The following TNS1 variants were observed in gnomAD, a reference collection of about 807,000 sequenced individuals.
TNS1 encodes the protein tensin 1, also known as tensin-1.
In TNS1, 62 loss-of-function variants were observed where a neutral mutation model predicts 168.6. That is an observed-to-expected ratio of 0.37 (90% confidence interval 0.30 to 0.45). TNS1 has a LOEUF of 0.45. TNS1 is among the 20% of genes least tolerant of loss of function. The pLI is 1.00. For missense variants in TNS1, 2,240 were observed against 2,339.4 expected, an observed-to-expected ratio of 0.96 and a Z score of 0.88; for synonymous variants, 934 against 933.2, an observed-to-expected ratio of 1.00 and a Z score of -0.02.
At chr2:217,951,938 C>T (rs546092461) in intron 3 of TNS1, among the ~76,000 whole-genome samples, 1 of 152,376 alleles carries the variant, frequency 6.6e-6, no homozygotes, top group South Asian at 2.1e-4. Flanking sequence ...CTGTCCCTCA[C>T]CCCTTCATTC....
chr2:217,933,194 A>G (rs1161881475), intron 3 of TNS1, among the ~76,000 whole-genome samples: 3 of 152,162 alleles, frequency 2.0e-5, no homozygotes, highest in Non-Finnish European at 4.4e-5. Context: ...TCCCAGGCAG[A>G]CCTCAGAGAT....
intron 3 of TNS1, among the ~76,000 whole-genome samples, chr2:217,965,942 T>C (rs1957616021): frequency 6.6e-6 from 1 of 151,958 alleles, no homozygotes; most frequent in African/African-American, 2.4e-5. Context: ...GGGACTCCAC[T>C]GGTCTTTGTT....
chr2:217,877,756 C>T (rs116372081), intron 18 of TNS1, among the ~76,000 whole-genome samples: 5,473 of 152,240 alleles, frequency 0.036, 334 homozygotes, highest in African/African-American at 0.12. Flanking sequence ...AGCAGGAGGG[C>T]CTCCTGGGGG....
At chr2:217,924,702 A>G (rs889225579) in intron 3 of TNS1, among the ~76,000 whole-genome samples, 1 of 152,216 alleles carries the variant, frequency 6.6e-6, no homozygotes, top group Non-Finnish European at 1.5e-5. Context: ...CAGAGTCAGC[A>G]ATATTGCTCC....
At chr2:218,030,927 G>A (rs1282249665) in intron 1 of TNS1, among the ~76,000 whole-genome samples, 1 of 152,142 alleles carries the variant, frequency 6.6e-6, no homozygotes, top group Non-Finnish European at 1.5e-5. Context: ...GGGTATGAGT[G>A]TGTGAGCATA....
rs71403015 is a variant in TNS1, at chr2:217,804,256, T to TTCTCTCTCTCTCTCTCTCTCTC, written c.*181_*202dup. On this transcript the variant is annotated 3_prime_UTR_variant, in exon 33 of 33. Coordinates refer to ENST00000682258, the MANE Select transcript of TNS1 (RefSeq NM_001387777.1). ...GAATCCAAGTTCTTCTCCTCCATCT[T>TTCTCTCTCTCTCTCTCTCTCTC]TCTCTCTCTCTCTCTCTCTCTCTCT... 8 of 416,838 alleles carry TTCTCTCTCTCTCTCTCTCTCTC rather than the reference T, an allele frequency of 1.9e-5. No individual in the cohort carries two copies. Among genetic ancestry groups the TTCTCTCTCTCTCTCTCTCTCTC allele is most frequent in the Non-Finnish European group, 3.5e-5 (8 of 230,182 alleles). 25.8% of individuals were successfully genotyped at this position (416,838 alleles called of 1,614,324 possible).
At chr2:217,902,167 G>A (rs2125766771) in intron 6 of TNS1, among the ~76,000 whole-genome samples, 1 of 152,222 alleles carries the variant, frequency 6.6e-6, no homozygotes, top group East Asian at 1.9e-4. Flanking sequence ...TTCCAAAACT[G>A]CCCCCTCAGA....
intron 3 of TNS1, among the ~76,000 whole-genome samples, chr2:217,958,086 T>C (rs1957409260): frequency 1.3e-5 from 2 of 152,008 alleles, no homozygotes; most frequent in Admixed American, 6.5e-5. Flanking sequence ...AAGATGATCT[T>C]AGTTGGAAAC....
intron 3 of TNS1, among the ~76,000 whole-genome samples, chr2:217,946,969 T>TCACACACACACACACA (rs372012573): frequency 8.4e-5 from 10 of 118,810 alleles, no homozygotes; most frequent in African/African-American, 2.9e-4. Context: ...TCTCTCTCTC[T>TCACACACACACACACA]CACACACACA....
chr2:217,909,039 T>TC (rs968582311), intron 4 of TNS1, among the ~76,000 whole-genome samples: 12 of 151,692 alleles, frequency 7.9e-5, no homozygotes, highest in Admixed American at 7.2e-4. Flanking sequence ...GACCAGGTGC[T>TC]CCCCTCAGCC....
chr2:217,895,013 T>G lies in TNS1; in HGVS notation c.587A>C (p.His196Pro). Residue 196 changes from histidine to proline, a missense_variant, in exon 9 of 33, where the codon CAT (histidine) becomes CCT (proline). His to Pro is a moderately conservative substitution (Grantham distance 77). Coordinates refer to ENST00000682258, the MANE Select transcript of TNS1 (RefSeq NM_001387777.1). ...SERRPDITKL[H>P]AKVLEFGWPD... ...AAACAGCCCCTGGCTCACCTTGGCA[T>G]GGAGCTTCGTGATGTCAGGTCTCCG... 6.2e-7 allele frequency: 1 copy of G among 1,613,016 alleles called. No individual in the cohort carries two copies. Among genetic ancestry groups the G allele is most frequent in the Non-Finnish European group, 8.5e-7 (1 of 1,179,698 alleles).
intron 18 of TNS1, among the ~76,000 whole-genome samples, chr2:217,858,217 C>A (rs1948391812): frequency 6.6e-6 from 1 of 152,142 alleles, no homozygotes; most frequent in Non-Finnish European, 1.5e-5. Flanking sequence ...ACGGCCCCCC[C>A]ACCAACCCAG....
intron 3 of TNS1, among the ~76,000 whole-genome samples, chr2:217,946,152 C>G (rs1232939957): frequency 6.6e-6 from 1 of 152,178 alleles, no homozygotes; most frequent in Admixed American, 6.5e-5. Flanking sequence ...CTTTCTCGTA[C>G]ACCATTCCCT....
chr2:217,847,478 G>C lies in TNS1; in HGVS notation c.3007+32C>G, dbSNP rs201726608. On this transcript the variant is annotated intron_variant, in intron 19 of 32. Transcript: ENST00000682258. ...CCCCAGCAAGACCAAATAAGGAAGG[G>C]GTAGAAGGAGTCAGGACTGAATACC... is the stretch of plus-strand genomic sequence containing the variant. 21 of 1,398,394 alleles carry C rather than the reference G, an allele frequency of 1.5e-5. No homozygotes were observed. The East Asian group carries it at 3.3e-4, about 22-fold the overall frequency. 86.6% of individuals were successfully genotyped at this position (1,398,394 alleles called of 1,614,324 possible).
At chr2:217,927,446 G>C (rs538114398) in intron 3 of TNS1, among the ~76,000 whole-genome samples, 42 of 152,350 alleles carry the variant, frequency 2.8e-4, no homozygotes, top group South Asian at 4.1e-4. Context: ...TGGGGAGCCA[G>C]TAAAGGCACT....
chr2:218,012,934 T>G (rs1958718914), upstream of TNS1, among the ~76,000 whole-genome samples: 1 of 151,914 alleles, frequency 6.6e-6, no homozygotes, highest in Non-Finnish European at 1.5e-5. Context: ...CTTTTCTCCC[T>G]CAAAACACTC....
chr2:217,951,236 T>A (rs891547943), intron 3 of TNS1, among the ~76,000 whole-genome samples: 1 of 152,160 alleles, frequency 6.6e-6, no homozygotes, highest in African/African-American at 2.4e-5. Flanking sequence ...GAGTGCAAGA[T>A]CTGGCCTAGA....
At chr2:217,966,470 G>A (rs576876160) in intron 3 of TNS1, among the ~76,000 whole-genome samples, 1 of 152,314 alleles carries the variant, frequency 6.6e-6, no homozygotes, top group South Asian at 2.1e-4. Context: ...GCTGAAGCCA[G>A]AAGAACAGAC....
At chr2:217,805,445 T>TACACGCCATCAC (rs1559131351) in intron 32 of TNS1, among the ~76,000 whole-genome samples, 7 of 7,232 alleles carry the variant, frequency 9.7e-4, no homozygotes, top group Admixed American at 3.2e-3. Context: ...ACCACACACA[T>TACACGCCATCAC]ACACACCATC....
Sources: gnomAD v4.1 joint callset for allele counts (sites outside exome capture counted in the v4.1 genomes callset) on GRCh38, gnomAD v4.1.1 for gene constraint, MANE v1.5 for transcripts, NCBI Gene and HGNC (gene_info 2026-07-23, HGNC 2026-07-21) for gene names.